ANXA10: variants seen among roughly 807,000 people sequenced by gnomAD.
ANXA10 encodes the protein annexin 14.
In ANXA10, 49 loss-of-function variants were observed where a neutral mutation model predicts 53.5. The ratio of observed to expected loss-of-function variants is 0.92; its 90% CI spans 0.73 to 1.16. The LOEUF (loss-of-function observed/expected upper bound fraction) is 1.16, where lower values mean the gene tolerates loss of function less well. Ranked by LOEUF, ANXA10 falls within the 50% of genes most tolerant of loss-of-function variation. The pLI, the probability that ANXA10 is intolerant of heterozygous loss-of-function variation, is 0.00. For synonymous variants in ANXA10, 131 were observed against 128.9 expected, an observed-to-expected ratio of 1.02 and a Z score of -0.11; for missense variants, 393 against 394.4, an observed-to-expected ratio of 1.00 and a Z score of 0.03.
At position 168,162,619 on chromosome 4, in the gene ANXA10, A is replaced by G; in HGVS notation, c.287A>G (p.His96Arg). 6.2e-7 allele frequency: 1 copy of G among 1,613,864 alleles called. No homozygotes were observed. The highest frequency in any genetic ancestry group is 8.5e-7 in the Non-Finnish European group (1 of 1,179,814). ...TACCCACCACCACTGTATGATGCTC[A>G]TGAGCTCTGGCATGCCATGAAGGTA... ...LMYPPPLYDA[H>R]ELWHAMKGVG... Residue 96 changes from histidine (H) to arginine (R), a missense_variant, in exon 4 of 12, where the codon CAT becomes CGT. Physicochemically the swap from His to Arg is conservative, Grantham distance 29. Transcript: ENST00000359299.
intron 6 of ANXA10, 112 bp downstream of exon 6, chr4:168,165,438 A>C: frequency 2.1e-6 from 1 of 482,084 alleles, no homozygotes. Flanking sequence ...ATTACAGTTC[A>C]ATAGTAAATT....
chr4:168,104,066 A>C (rs528974597), intron 1 of ANXA10, among the ~76,000 whole-genome samples: 1 of 151,992 alleles, frequency 6.6e-6, no homozygotes, highest in Admixed American at 6.6e-5. Flanking sequence ...AAATTAATGA[A>C]GTTGCTTTGT....
chr4:168,108,323 A>G (rs2149465729), intron 1 of ANXA10, among the ~76,000 whole-genome samples: 1 of 152,260 alleles, frequency 6.6e-6, no homozygotes, highest in South Asian at 2.1e-4. Flanking sequence ...GCAGGCCAGT[A>G]GGTCTCAGCC....
At chr4:168,124,922 G>A (rs1288912158) in intron 1 of ANXA10, among the ~76,000 whole-genome samples, 2 of 152,154 alleles carry the variant, frequency 1.3e-5, no homozygotes, top group African/African-American at 2.4e-5. Context: ...ATTGGCAAAG[G>A]TCTGTATTAA....
Position 168,156,206 on chromosome 4 carries a change from T to TTATATATAATA in ANXA10, c.196-6317_196-6316insATAATATATAT, listed in dbSNP as rs1368446784. Among the ~76,000 whole-genome samples the TTATATATAATA allele has an allele frequency of 6.7e-3, 113 of 16,814 alleles. 2 individuals are homozygous for TTATATATAATA. Among genetic ancestry groups the TTATATATAATA allele is most frequent in the East Asian group, 0.064 (44 of 686 alleles). The allele number at this position is 16,814 out of a possible 152,430, so 11.0% of individuals were successfully genotyped here. ...TATTATATATTATATATAATATATA[T>TTATATATAATA]TATATTATATGTAATATGTATTATA... On this transcript the variant is annotated intron_variant, in intron 3 of 11. Transcript: ENST00000359299.
intron 4 of ANXA10, among the ~76,000 whole-genome samples, chr4:168,163,281 C>T (rs781001987): frequency 2.2e-4 from 33 of 152,120 alleles, no homozygotes; most frequent in Non-Finnish European, 4.1e-4. Context: ...CTTGGCTTTA[C>T]TTCTTTCCAA....
At chr4:168,167,084 G>A (rs1731895184) in intron 6 of ANXA10, among the ~76,000 whole-genome samples, 1 of 152,062 alleles carries the variant, frequency 6.6e-6, no homozygotes, top group Non-Finnish European at 1.5e-5. Context: ...AGTCCCAATT[G>A]CTTCCATGAG....
chr4:168,153,793 AG>A (rs1203362986), intron 3 of ANXA10, among the ~76,000 whole-genome samples: 2 of 152,202 alleles, frequency 1.3e-5, no homozygotes, highest in Non-Finnish European at 2.9e-5. Flanking sequence ...ACAGACACAA[AG>A]AAGTTAAGGA....
intron 1 of ANXA10, among the ~76,000 whole-genome samples, chr4:168,100,667 G>T (rs1310642905): frequency 1.3e-5 from 2 of 151,934 alleles, no homozygotes; most frequent in African/African-American, 2.4e-5. Context: ...AAACTATACG[G>T]TTTGAAGCTA....
intron 3 of ANXA10, among the ~76,000 whole-genome samples, chr4:168,153,453 ACAAAAC>A (rs1560782335): frequency 0.039 from 2,060 of 53,466 alleles, 61 homozygotes; most frequent in Non-Finnish European, 0.05. Flanking sequence ...AAAAACAAAA[ACAAAAC>A]AAAAAAAAAA....
chr4:168,187,281 T>C (rs892430485), intron 11 of ANXA10, 85 bp from the exon 12 acceptor site: 11 of 846,042 alleles, frequency 1.3e-5, no homozygotes, highest in South Asian at 4.9e-5. Context: ...CATGGCTCTT[T>C]CATAGTGCAG....
intron 3 of ANXA10, among the ~76,000 whole-genome samples, chr4:168,154,245 C>A (rs1010563636): frequency 2.0e-5 from 3 of 152,046 alleles, no homozygotes; most frequent in African/African-American, 7.2e-5. Flanking sequence ...CTTTTTTATC[C>A]TTTACCAAGT....
intron 1 of ANXA10, among the ~76,000 whole-genome samples, chr4:168,094,490 A>G (rs977670552): frequency 1.6e-4 from 25 of 152,166 alleles, no homozygotes; most frequent in African/African-American, 5.8e-4. Context: ...TTTGAGGCCA[A>G]GCTTATCTCT....
chr4:168,118,348 A>G (rs1391223475), intron 1 of ANXA10, among the ~76,000 whole-genome samples: 1 of 152,230 alleles, frequency 6.6e-6, no homozygotes, highest in African/African-American at 2.4e-5. Context: ...GTGTCACAGC[A>G]GTCCCAGCCA....
intron 3 of ANXA10, among the ~76,000 whole-genome samples, chr4:168,157,654 C>G (rs1412344039): frequency 1.3e-5 from 2 of 152,166 alleles, no homozygotes; most frequent in African/African-American, 2.4e-5. Context: ...AACCACTGAT[C>G]TGCTTTCTAC....
chr4:168,111,309 T>G (rs1169193592), intron 1 of ANXA10, among the ~76,000 whole-genome samples: 1 of 152,208 alleles, frequency 6.6e-6, no homozygotes. Flanking sequence ...GCTTTATGTT[T>G]AACCCTTCAA....
At chr4:168,164,938 T>C (rs748464279) in intron 5 of ANXA10, among the ~76,000 whole-genome samples, 2 of 152,124 alleles carry the variant, frequency 1.3e-5, no homozygotes, top group African/African-American at 2.4e-5. Flanking sequence ...AGAAAAAGTA[T>C]TGGGCTGGGC....
intron 3 of ANXA10, among the ~76,000 whole-genome samples, chr4:168,140,764 G>A (rs563727092): frequency 6.6e-6 from 1 of 152,140 alleles, no homozygotes; most frequent in South Asian, 2.1e-4. Context: ...GATTACAGCT[G>A]TGCGTCACCA....
intron 1 of ANXA10, among the ~76,000 whole-genome samples, chr4:168,122,136 G>C (rs1016012469): frequency 1.3e-5 from 2 of 152,048 alleles, no homozygotes; most frequent in African/African-American, 4.8e-5. Context: ...CACCGCCCCC[G>C]GCCAGTTTTT....
Sources: allele counts gnomAD v4.1 joint callset (sites outside exome capture counted in the v4.1 genomes callset), GRCh38; gene constraint gnomAD v4.1.1; transcripts MANE v1.5; gene names NCBI Gene and HGNC (gene_info 2026-07-23, HGNC 2026-07-21).